The following MOCS2 variants were observed in gnomAD, a reference collection of about 807,000 sequenced individuals.
The protein encoded by MOCS2 is molybdenum cofactor synthesis 2.
MOCS2 carries 13 observed loss-of-function variants against 21.9 expected under a neutral mutation model. The ratio of observed to expected loss-of-function variants is 0.59; its 90% CI spans 0.39 to 0.94. The LOEUF is 0.94. MOCS2 is among the 40% of genes least tolerant of loss of function. MOCS2 has a pLI of 0.00. For missense variants in MOCS2, 227 were observed against 218.3 expected (o/e 1.04, Z -0.25); for synonymous variants, 92 against 80.8 (o/e 1.14, Z -0.74).
At chr5:53,104,501 T>C (rs1197199703) in intron 3 of MOCS2, among the ~76,000 whole-genome samples, 12 of 152,212 alleles carry the variant, frequency 7.9e-5, no homozygotes, top group Admixed American at 7.2e-4. Flanking sequence ...AATTCGAAAT[T>C]CCAAAAAACT....
chr5:53,100,523 A>C lies in MOCS2; in HGVS notation c.389T>G (p.Val130Gly). 1 of 1,613,762 alleles carries C rather than the reference A, an allele frequency of 6.2e-7. No individual in the cohort carries two copies. The highest frequency in any genetic ancestry group is 8.5e-7 in the Non-Finnish European group (1 of 1,179,752). Residue 130 changes from valine to glycine, a missense_variant, in exon 6 of 7, where the codon GTG becomes GGG. Physicochemically the swap from Val to Gly is moderately radical, Grantham distance 109. Transcript: ENST00000396954. Reference sequence around the variant, plus strand: ...AGCAATGATTATGCTTGCTTCTGACACTGGAACCAAGCTTTAACAAGATGA... The same window carrying C: ...AGCAATGATTATGCTTGCTTCTGACCCTGGAACCAAGCTTTAACAAGATGA... ...AVFHRLGLVP[V>G]SEASIIIAVS...
intron 6 of MOCS2, among the ~76,000 whole-genome samples, chr5:53,099,196 T>C (rs1740839366): frequency 6.6e-6 from 1 of 152,166 alleles, no homozygotes; most frequent in South Asian, 2.1e-4. Flanking sequence ...AATTCAACTG[T>C]CCTCTGAACT....
intron 6 of MOCS2, among the ~76,000 whole-genome samples, chr5:53,099,070 G>A (rs903420552): frequency 4.6e-5 from 7 of 152,092 alleles, no homozygotes; most frequent in East Asian, 1.9e-4. Context: ...AGCACAGGCC[G>A]AGACTAGAAC....
chr5:53,106,946 G>C, intron 3 of MOCS2, 131 bp downstream of exon 3: 1 of 950,924 alleles, frequency 1.1e-6, no homozygotes, highest in Middle Eastern at 2.5e-4. Flanking sequence ...CCAATGAAGA[G>C]TTGCTGCATC....
intron 6 of MOCS2, 50 bp from the exon 7 acceptor site, chr5:53,098,717 C>G: frequency 8.1e-7 from 1 of 1,232,300 alleles, no homozygotes; most frequent in Non-Finnish European, 1.2e-6. Flanking sequence ...TTCTACTATA[C>G]GAATATAAAA....
In MOCS2 at chr5:53,100,818, T is replaced by C. The variant is rs143994227; in HGVS notation, c.378-284A>G. On this transcript the variant is annotated intron_variant, in intron 5 of 6. Coordinates refer to ENST00000396954, the MANE Select transcript of MOCS2 (RefSeq NM_004531.5). Reference sequence around the variant, plus strand: ...TTCATTGATAGAGCAAACATCTGACTCAACAAGGCACAGTGCCAAGTAATG... The same window carrying C: ...TTCATTGATAGAGCAAACATCTGACCCAACAAGGCACAGTGCCAAGTAATG... 477 of 423,770 alleles carry C rather than the reference T, an allele frequency of 1.1e-3. 1 individual carries two copies. Among genetic ancestry groups the C allele is most frequent in the African/African-American group, 9.0e-3 (447 of 49,766 alleles). The allele number at this position is 423,770 out of a possible 1,614,324, so 26.3% of individuals were successfully genotyped here. A position where few individuals can be genotyped will look rare whatever the true frequency, so the allele number is the denominator to read the frequency against.
At chr5:53,103,317 A>T (rs1417969864) in intron 3 of MOCS2, among the ~76,000 whole-genome samples, 2 of 152,214 alleles carry the variant, frequency 1.3e-5, no homozygotes, top group Non-Finnish European at 2.9e-5. Flanking sequence ...CCATCAAGAT[A>T]CAGTGGAGGT....
Position 53,095,927 on chromosome 5 carries a change from T to G in MOCS2, c.*2675A>C, listed in dbSNP as rs367795073. On this transcript the variant is annotated 3_prime_UTR_variant, in exon 7 of 7. Coordinates refer to ENST00000396954, the MANE Select transcript of MOCS2 (RefSeq NM_004531.5). Reference sequence around the variant, plus strand: ...TCATAATCTTTTAATATTTTTAAGGTGTCAATTAAAGATTGGACATCATCT... The same window carrying G: ...TCATAATCTTTTAATATTTTTAAGGGGTCAATTAAAGATTGGACATCATCT... The G allele has an allele frequency of 1.4e-4, 22 of 152,340 alleles. No homozygotes were observed. In the East Asian group the frequency reaches 4.2e-3, roughly 29 times the overall value. The allele number at this position is 152,340 out of a possible 1,614,324, so 9.4% of individuals were successfully genotyped here.
chr5:53,109,545 G>T lies in MOCS2; in HGVS notation c.-464C>A. 7.1e-7 allele frequency: 1 copy of T among 1,404,334 alleles called. No individual in the cohort carries two copies. The highest frequency in any genetic ancestry group is 9.2e-7 in the Non-Finnish European group (1 of 1,081,094). The allele number at this position is 1,404,334 out of a possible 1,614,324, so 87.0% of individuals were successfully genotyped here. Reference sequence around the variant, plus strand: ...GCAGTAAAGCCCGGAGACAGGAAGGGCCCGGGGGCGGGGGCGGGGGCGCCC... The same window carrying T: ...GCAGTAAAGCCCGGAGACAGGAAGGTCCCGGGGGCGGGGGCGGGGGCGCCC... On this transcript the variant is annotated 5_prime_UTR_variant, in exon 1 of 7. Transcript: ENST00000396954.
intron 3 of MOCS2, among the ~76,000 whole-genome samples, chr5:53,106,407 A>G (rs1365222741): frequency 6.6e-6 from 1 of 152,198 alleles, no homozygotes; most frequent in East Asian, 1.9e-4. Context: ...AGGGACATGG[A>G]TGGAGCTAGA....
At chr5:53,100,784 G>GA in intron 5 of MOCS2, 1 of 470,672 alleles carries the variant, frequency 2.1e-6, no homozygotes, top group Non-Finnish European at 3.9e-6. Context: ...GGGCACCAAG[G>GA]AAAATCCTTT....
chr5:53,108,973 G>C (rs911875496), intron 1 of MOCS2, among the ~76,000 whole-genome samples: 9 of 152,166 alleles, frequency 5.9e-5, no homozygotes, highest in Admixed American at 2.0e-4. Flanking sequence ...TTATAAATAT[G>C]TAAGCAAAGA....
intron 3 of MOCS2, among the ~76,000 whole-genome samples, chr5:53,102,762 C>T (rs897385057): frequency 2.6e-5 from 4 of 151,984 alleles, no homozygotes; most frequent in African/African-American, 9.7e-5. Flanking sequence ...GCCTGGCCAA[C>T]ATGGTGAAAC....
chr5:53,101,988 G>C lies in MOCS2; in HGVS notation c.226+109C>G, dbSNP rs780725796. ...TCTACCCACCATCATCGGTAATCTT[G>C]GTTTAAAGTTCAGTATTTCAAACTC... is the stretch of plus-strand genomic sequence containing the variant. On this transcript the variant is annotated intron_variant, in intron 4 of 6. Coordinates refer to ENST00000396954, the MANE Select transcript of MOCS2 (RefSeq NM_004531.5). The C allele has an allele frequency of 2.6e-6, 3 of 1,159,638 alleles. No individual in the cohort carries two copies. The Admixed American group carries it at 5.9e-5, about 23-fold the overall frequency. The allele number at this position is 1,159,638 out of a possible 1,614,324, so 71.8% of individuals were successfully genotyped here.
chr5:53,102,654 A>C (rs551314810), intron 3 of MOCS2, among the ~76,000 whole-genome samples: 2 of 137,914 alleles, frequency 1.5e-5, no homozygotes, highest in South Asian at 4.5e-4. Context: ...CAGCCCTCAT[A>C]ATAAGTGGCT....
rs1561170302 is a variant in MOCS2, at chr5:53,096,065, T to C, written c.*2537A>G. Reference sequence around the variant, plus strand: ...ATGCAAAATTAAATCTAAGTAAGACTCAAGTTGCTAAGAGCAACTTTACTA... The same window carrying C: ...ATGCAAAATTAAATCTAAGTAAGACCCAAGTTGCTAAGAGCAACTTTACTA... On this transcript the variant is annotated 3_prime_UTR_variant, in exon 7 of 7. Transcript: ENST00000396954. 1 of 152,240 alleles carries C rather than the reference T, an allele frequency of 6.6e-6. No individual in the cohort carries two copies. The highest frequency in any genetic ancestry group is 2.4e-5 in the African/African-American group (1 of 41,476). The allele number at this position is 152,240 out of a possible 1,614,324, so 9.4% of individuals were successfully genotyped here.
chr5:53,108,397 A>C, intron 2 of MOCS2, 125 bp downstream of exon 2: 1 of 959,582 alleles, frequency 1.0e-6, no homozygotes. Flanking sequence ...TCCAAAAAAA[A>C]TACAACTAAC....
chr5:53,107,325 C>A, intron 2 of MOCS2, 104 bp from the exon 3 acceptor site: 1 of 1,100,122 alleles, frequency 9.1e-7, no homozygotes, highest in African/African-American at 1.6e-5. Flanking sequence ...TATAAAGCAT[C>A]ACCTGCAAAA....
rs1728297640 is a variant in MOCS2, at chr5:53,096,827, T to G, written c.*1775A>C. On this transcript the variant is annotated 3_prime_UTR_variant, in exon 7 of 7. Transcript: ENST00000396954. ...CTTTTAAAACATAAAGAATGTTCTATGTTCTTTAAAAACATCATTACCCTC... is the reference window on the plus strand; with the variant it reads ...CTTTTAAAACATAAAGAATGTTCTAGGTTCTTTAAAAACATCATTACCCTC... The G allele has an allele frequency of 1.3e-5, 2 of 152,246 alleles. No individual in the cohort carries two copies. Among genetic ancestry groups the G allele is most frequent in the African/African-American group, 4.8e-5 (2 of 41,462 alleles). The allele number at this position is 152,246 out of a possible 1,614,324, so 9.4% of individuals were successfully genotyped here.
Sources: gnomAD v4.1 joint callset for allele counts (sites outside exome capture counted in the v4.1 genomes callset) on GRCh38, gnomAD v4.1.1 for gene constraint, MANE v1.5 for transcripts, NCBI Gene and HGNC (gene_info 2026-07-23, HGNC 2026-07-21) for gene names.